The following SYTL3 variants were observed in gnomAD, a reference collection of about 807,000 sequenced individuals.
The protein encoded by SYTL3 is synaptotagmin-like protein 3.
Under a neutral mutation model 82.1 loss-of-function variants are expected in SYTL3, and 88 were observed. The observed-to-expected ratio is 1.07, with a 90% CI of 0.90 to 1.28. SYTL3 has a LOEUF of 1.28. Ranked by LOEUF, SYTL3 falls within the 50% of genes most tolerant of loss-of-function variation. SYTL3 has a pLI of 0.00. For missense variants in SYTL3, 831 were observed against 757.6 expected (o/e 1.10, Z -1.14); for synonymous variants, 311 against 289.4 (o/e 1.07, Z -0.76).
intron 15 of SYTL3, among the ~76,000 whole-genome samples, chr6:158,761,692 C>T (rs1158738746): frequency 6.6e-6 from 1 of 152,334 alleles, no homozygotes; most frequent in Admixed American, 6.5e-5. Context: ...CACGGGGTCA[C>T]CAGCAGACCA....
intron 10 of SYTL3, among the ~76,000 whole-genome samples, chr6:158,722,529 G>A (rs1468331866): frequency 1.3e-5 from 2 of 152,098 alleles, no homozygotes; most frequent in Non-Finnish European, 2.9e-5. Flanking sequence ...CAAAAATGCT[G>A]ACTTAAGCAT....
intron 4 of SYTL3, among the ~76,000 whole-genome samples, chr6:158,664,010 C>G (rs1789703990): frequency 6.6e-6 from 1 of 152,160 alleles, no homozygotes; most frequent in Non-Finnish European, 1.5e-5. Flanking sequence ...GCGTGCTGAA[C>G]TCTAGCAGAG....
chr6:158,726,112 T>C (rs1562429071), intron 11 of SYTL3: 1 of 419,722 alleles, frequency 2.4e-6, no homozygotes, highest in South Asian at 2.1e-5. Flanking sequence ...TTATCAAAAA[T>C]TGAATAGTCA....
intron 8 of SYTL3, among the ~76,000 whole-genome samples, chr6:158,709,479 A>G (rs974098797): frequency 6.6e-6 from 1 of 152,230 alleles, no homozygotes; most frequent in African/African-American, 2.4e-5. Context: ...TTGTAAGTCA[A>G]ACCATCGTAA....
chr6:158,719,944 C>T (rs949562728), intron 10 of SYTL3, among the ~76,000 whole-genome samples: 6 of 151,924 alleles, frequency 3.9e-5, no homozygotes, highest in African/African-American at 2.4e-5. Flanking sequence ...CAAATATTAG[C>T]CGGGTGTGGT....
intron 6 of SYTL3, among the ~76,000 whole-genome samples, chr6:158,688,037 C>T (rs985722448): frequency 7.9e-5 from 12 of 152,178 alleles, no homozygotes; most frequent in Non-Finnish European, 1.6e-4. Context: ...TGATCAGACT[C>T]TATGTGGTTT....
At chr6:158,676,826 C>T (rs535297385) in intron 5 of SYTL3, among the ~76,000 whole-genome samples, 2 of 152,228 alleles carry the variant, frequency 1.3e-5, no homozygotes, top group South Asian at 2.1e-4. Context: ...CACTGGCCAT[C>T]AGAGAAATGC....
At chr6:158,685,976 G>T (rs1779255648) in intron 6 of SYTL3, among the ~76,000 whole-genome samples, 1 of 152,214 alleles carries the variant, frequency 6.6e-6, no homozygotes, top group Non-Finnish European at 1.5e-5. Context: ...GCTAAGTGCA[G>T]ACATCTGCTT....
intron 9 of SYTL3, among the ~76,000 whole-genome samples, chr6:158,716,275 A>C (rs1043566746): frequency 3.9e-5 from 6 of 152,168 alleles, no homozygotes; most frequent in African/African-American, 1.4e-4. Flanking sequence ...CTGACCTATA[A>C]GCCTATTTCT....
chr6:158,707,091 A>G (rs1782181933), intron 6 of SYTL3, 139 bp from the exon 7 acceptor site: 4 of 853,884 alleles, frequency 4.7e-6, no homozygotes, highest in Admixed American at 2.4e-5. Flanking sequence ...GAACATTTCT[A>G]TCACCTCAAA....
At chr6:158,675,706 G>A (rs989930552) in intron 5 of SYTL3, among the ~76,000 whole-genome samples, 7 of 152,118 alleles carry the variant, frequency 4.6e-5, no homozygotes, top group African/African-American at 1.7e-4. Context: ...CTAGCACTTT[G>A]GGAGGCCAAG....
rs1562417807 is a variant in SYTL3, at chr6:158,718,226, A to G, written c.720+15A>G. ...TCACCACCAGGGTACCCTGAGCCCC[A>G]CAAGGCCTCCACGCTGATCACCTTC... On this transcript the variant is annotated intron_variant, in intron 10 of 17. Transcript: ENST00000611299. The G allele has an allele frequency of 6.6e-7, 1 of 1,515,732 alleles. No individual in the cohort carries two copies. The highest frequency in any genetic ancestry group is 8.9e-7 in the Non-Finnish European group (1 of 1,129,336). 93.9% of individuals were successfully genotyped at this position (1,515,732 alleles called of 1,614,324 possible). A position where few individuals can be genotyped will look rare whatever the true frequency, so the allele number is the denominator to read the frequency against.
At chr6:158,700,197 G>A (rs181751669) in intron 6 of SYTL3, among the ~76,000 whole-genome samples, 236 of 152,100 alleles carry the variant, frequency 1.6e-3, no homozygotes, top group African/African-American at 5.3e-3. Context: ...CAGAGGTTGC[G>A]GTGAGCCGAG....
At chr6:158,656,953 G>A (rs1318701503) in intron 2 of SYTL3, among the ~76,000 whole-genome samples, 1 of 152,162 alleles carries the variant, frequency 6.6e-6, no homozygotes, top group African/African-American at 2.4e-5. Flanking sequence ...TTAAGACTAT[G>A]TAAAGTAACT....
chr6:158,757,038 A>C (rs1237755987), intron 13 of SYTL3, among the ~76,000 whole-genome samples, 173 bp from the exon 14 acceptor site: 1 of 118,596 alleles, frequency 8.4e-6, no homozygotes, highest in Non-Finnish European at 1.7e-5. Flanking sequence ...ACCTTGACCC[A>C]CCCTAACCAC....
chr6:158,690,186 C>T (rs1779713240), intron 6 of SYTL3, among the ~76,000 whole-genome samples: 1 of 152,170 alleles, frequency 6.6e-6, no homozygotes, highest in African/African-American at 2.4e-5. Context: ...GCAATTTGGC[C>T]CTAGCCAGAT....
At chr6:158,732,345 A>T (rs1266900732) in intron 11 of SYTL3, among the ~76,000 whole-genome samples, 3 of 152,264 alleles carry the variant, frequency 2.0e-5, no homozygotes, top group Non-Finnish European at 4.4e-5. Context: ...AAGGCAAACG[A>T]TAGCAATGAA....
chr6:158,725,281 C>G (rs1459467074), intron 10 of SYTL3, among the ~76,000 whole-genome samples: 1 of 152,146 alleles, frequency 6.6e-6, no homozygotes, highest in African/African-American at 2.4e-5. Context: ...TGTTGTCTGT[C>G]TCTGGGCCCT....
chr6:158,654,341 G>A (rs748834797), intron 2 of SYTL3, among the ~76,000 whole-genome samples: 13 of 152,280 alleles, frequency 8.5e-5, no homozygotes, highest in Admixed American at 2.0e-4. Flanking sequence ...TATCTGGCAC[G>A]TGCTTGATAC....
Sources: allele counts gnomAD v4.1 joint callset (sites outside exome capture counted in the v4.1 genomes callset), GRCh38; gene constraint gnomAD v4.1.1; transcripts MANE v1.5; gene names NCBI Gene and HGNC (gene_info 2026-07-23, HGNC 2026-07-21).